The following RASEF variants were observed in gnomAD, a reference collection of about 807,000 sequenced individuals.
RASEF encodes the protein RAS and EF-hand domain containing, also known as ras and EF-hand domain-containing protein.
A neutral mutation model predicts 90.1 loss-of-function variants in RASEF; 68 were observed. The observed-to-expected ratio is 0.75, with a 90% CI of 0.62 to 0.92. The LOEUF is 0.92. Among genes scored for constraint, RASEF ranks in the 40% least tolerant of loss-of-function variants. The probability of loss-of-function intolerance (pLI) is 0.00; values close to 1 mark genes in which losing one functional copy is unlikely to be tolerated. For synonymous variants in RASEF, 331 were observed against 345.2 expected, an observed-to-expected ratio of 0.96 and a Z score of 0.46; for missense variants, 949 against 937.2, an observed-to-expected ratio of 1.01 and a Z score of -0.16.
chr9:83,158,532 C>CCA, the RASEF span, among the ~76,000 whole-genome samples: 2 of 149,060 alleles, frequency 1.3e-5, no homozygotes, highest in African/African-American at 4.9e-5. Context: ...GTCAAGCTTT[C>CCA]CACACACACA....
In RASEF at chr9:83,062,537, C is replaced by A. The variant is rs1213087655; in HGVS notation, c.331G>T (p.Ala111Ser). The A allele has an allele frequency of 6.2e-7, 1 of 1,606,550 alleles. No homozygotes were observed. The highest frequency in any genetic ancestry group is 8.5e-7 in the Non-Finnish European group (1 of 1,176,850). The change falls in exon 1 of 17, where the codon GCG becomes TCG. Residue 111 changes from alanine (A) to serine (S), a missense_variant. Ala to Ser is a moderately conservative substitution (Grantham distance 99, BLOSUM62 1). This residue lies in a region of RASEF where 656 missense variants were observed against 592.2 expected (regional missense o/e 1.11). Transcript: ENST00000376447. ...CACGAGGTGGCCAGCGCCGCCGCCG[C>A]GTCCTCGTCGCCTTCGTCCTCCTCG... ...DSEEDEGDED[A>S]AAALATSCGP... is the part of the protein sequence containing the mutation.
chr9:83,062,833 C>G lies in RASEF; in HGVS notation c.35G>C (p.Arg12Pro), dbSNP rs894763705. ...EADGDGEELA[R>P]LRSVFAACDA... ...GCAGGCGGCGAAGACTGAGCGCAGCCGGGCCAGCTCCTCTCCGTCCCCATC... is the reference window on the plus strand; with the variant it reads ...GCAGGCGGCGAAGACTGAGCGCAGCGGGGCCAGCTCCTCTCCGTCCCCATC... The change falls in exon 1 of 17, where the codon CGG becomes CCG. Residue 12 changes from arginine (R) to proline (P), a missense_variant. Transcript: ENST00000376447. 3 of 1,545,892 alleles carry G rather than the reference C, an allele frequency of 1.9e-6. No homozygotes were observed. The highest frequency in any genetic ancestry group is 2.6e-6 in the Non-Finnish European group (3 of 1,157,280).
At chr9:83,129,438 G>A in the RASEF span, among the ~76,000 whole-genome samples, 1 of 151,644 alleles carries the variant, frequency 6.6e-6, no homozygotes, top group Non-Finnish European at 1.5e-5. Context: ...TCACTAGTGT[G>A]AGAAAGAATC....
the RASEF span, among the ~76,000 whole-genome samples, chr9:83,159,069 C>T: frequency 0.56 from 85,231 of 151,550 alleles, 24,527 homozygotes; most frequent in African/African-American, 0.68. Flanking sequence ...GCCTGTAGTC[C>T]CAGCTACTTG....
chr9:82,989,339 T>C (rs569536841), intron 16 of RASEF, among the ~76,000 whole-genome samples: 1 of 152,130 alleles, frequency 6.6e-6, no homozygotes, highest in Admixed American at 6.6e-5. Flanking sequence ...TTGCCTCTCA[T>C]AAAAATGATA....
chr9:83,150,261 A>G, the RASEF span, among the ~76,000 whole-genome samples: 1 of 152,104 alleles, frequency 6.6e-6, no homozygotes, highest in South Asian at 2.1e-4. Flanking sequence ...GAAACCCATC[A>G]TTTAGGGGTT....
chr9:83,206,368 A>G, the RASEF span, among the ~76,000 whole-genome samples: 1 of 152,228 alleles, frequency 6.6e-6, no homozygotes, highest in Admixed American at 6.5e-5. Context: ...ATGCTGGGTT[A>G]TTAAAATGTA....
intron 16 of RASEF, among the ~76,000 whole-genome samples, chr9:82,985,157 C>T (rs145825580): frequency 7.5e-4 from 114 of 152,188 alleles, no homozygotes; most frequent in Admixed American, 2.4e-3. Flanking sequence ...TGTATTAGTT[C>T]GTTTTCACGC....
At chr9:83,127,525 G>A in the RASEF span, among the ~76,000 whole-genome samples, 1 of 152,266 alleles carries the variant, frequency 6.6e-6, no homozygotes, top group South Asian at 2.1e-4. Flanking sequence ...TTGAGAAACT[G>A]AGATCCCAAG....
intron 4 of RASEF, among the ~76,000 whole-genome samples, chr9:83,014,020 C>T (rs774777746): frequency 3.9e-5 from 6 of 152,196 alleles, no homozygotes; most frequent in Admixed American, 1.3e-4. Flanking sequence ...TGGGCCTCAT[C>T]AGTCGCTGCA....
chr9:83,062,780 G>T lies in RASEF; in HGVS notation c.88C>A (p.Arg30Ser). ...GTGCACAGTGCCCGGAACTCCTCGCGCTCCAGGCGCCCCGAGCGGTTCGCG... is the reference window on the plus strand; with the variant it reads ...GTGCACAGTGCCCGGAACTCCTCGCTCTCCAGGCGCCCCGAGCGGTTCGCG... ...CDANRSGRLEREEFRALCTEL... is the reference protein window; with the variant it reads ...CDANRSGRLESEEFRALCTEL... Residue 30 changes from arginine (R) to serine (S), a missense_variant, in exon 1 of 17, where the codon CGC (arginine) becomes AGC (serine). Physicochemically the swap from Arg to Ser is moderately radical, Grantham distance 110 (BLOSUM62 -1). Coordinates refer to ENST00000376447, the MANE Select transcript of RASEF (RefSeq NM_152573.4). The T allele has an allele frequency of 1.3e-6, 2 of 1,557,238 alleles. No homozygotes were observed. Among genetic ancestry groups the T allele is most frequent in the Non-Finnish European group, 1.7e-6 (2 of 1,161,258 alleles).
chr9:83,027,789 C>A (rs115505242), intron 1 of RASEF, among the ~76,000 whole-genome samples: 1 of 152,218 alleles, frequency 6.6e-6, no homozygotes, highest in South Asian at 2.1e-4. Flanking sequence ...GTTAATGAAG[C>A]CTGTGTAACT....
At chr9:83,082,044 C>T in the RASEF span, among the ~76,000 whole-genome samples, 1 of 152,000 alleles carries the variant, frequency 6.6e-6, no homozygotes, top group East Asian at 1.9e-4. Context: ...GCCTAGACAC[C>T]CAGCGTCAGT....
At chr9:83,139,327 A>T in the RASEF span, among the ~76,000 whole-genome samples, 1 of 152,158 alleles carries the variant, frequency 6.6e-6, no homozygotes, top group Non-Finnish European at 1.5e-5. Context: ...TTGGGCTCCA[A>T]CCCTGGTCCC....
the RASEF span, among the ~76,000 whole-genome samples, chr9:83,185,960 G>C: frequency 1.5e-5 from 1 of 68,444 alleles, no homozygotes; most frequent in African/African-American, 7.8e-5. Flanking sequence ...ATGCATTGAG[G>C]AATGGGTGGC....
chr9:83,195,039 C>T, the RASEF span, among the ~76,000 whole-genome samples: 21 of 152,288 alleles, frequency 1.4e-4, no homozygotes, highest in Middle Eastern at 3.4e-3. Flanking sequence ...TCACTTTCTG[C>T]GCTCAGAGAT....
At chr9:83,091,941 A>G in the RASEF span, among the ~76,000 whole-genome samples, 29 of 151,466 alleles carry the variant, frequency 1.9e-4, no homozygotes, top group African/African-American at 7.0e-4. Flanking sequence ...AATAACTACA[A>G]AGCTCACTGT....
the RASEF span, among the ~76,000 whole-genome samples, chr9:83,209,846 G>A: frequency 1.3e-5 from 2 of 152,034 alleles, no homozygotes; most frequent in Non-Finnish European, 2.9e-5. Context: ...GTGCCCTCCC[G>A]CTTCCCTGAC....
At position 82,982,076 on chromosome 9, in the gene RASEF, TA is replaced by T. The variant is rs1174835052; in HGVS notation, c.*600del. The T allele has an allele frequency of 3.3e-5, 5 of 152,232 alleles. No homozygotes were observed. The highest frequency in any genetic ancestry group is 6.5e-5 in the Admixed American group (1 of 15,284). 9.4% of individuals were successfully genotyped at this position (152,232 alleles called of 1,614,324 possible). ...CAATATTAAAAAGCAGGAATAACCA[TA>T]GTTCTATTATTAACTGTGGGCCACC... On this transcript the variant is annotated 3_prime_UTR_variant, in exon 17 of 17. Coordinates refer to ENST00000376447, the MANE Select transcript of RASEF (RefSeq NM_152573.4).
Sources: allele counts gnomAD v4.1 joint callset (sites outside exome capture counted in the v4.1 genomes callset), GRCh38; gene constraint gnomAD v4.1.1; regional missense constraint gnomAD v4.1.1; transcripts MANE v1.5; gene names NCBI Gene and HGNC (gene_info 2026-07-23, HGNC 2026-07-21).